ATP9B: variants seen among roughly 807,000 people sequenced by gnomAD.
The protein encoded by ATP9B is probable phospholipid-transporting ATPase IIB.
A neutral mutation model predicts 146.1 loss-of-function variants in ATP9B; 110 were observed. The observed-to-expected ratio is 0.75, with a 90% CI of 0.65 to 0.88. ATP9B has a LOEUF of 0.88. Ranked by LOEUF, ATP9B falls within the 40% of genes least tolerant of loss-of-function variation. The probability of loss-of-function intolerance (pLI) is 0.00; values close to 1 mark genes in which losing one functional copy is unlikely to be tolerated. For missense variants in ATP9B, 1,499 were observed against 1,496.4 expected, an observed-to-expected ratio of 1.00 and a Z score of -0.03; for synonymous variants, 604 against 569.7, an observed-to-expected ratio of 1.06 and a Z score of -0.86.
chr18:79,125,257 T>G (rs896683342), intron 4 of ATP9B, among the ~76,000 whole-genome samples: 1 of 152,098 alleles, frequency 6.6e-6, no homozygotes, highest in African/African-American at 2.4e-5. Context: ...GCACACAGTA[T>G]GGCTGAAGAG....
At chr18:79,115,677 T>G (rs2094060205) in intron 4 of ATP9B, 1 of 91,768 alleles carries the variant, frequency 1.1e-5, no homozygotes, top group Non-Finnish European at 2.1e-5. Context: ...GGGAAAGGAT[T>G]CCCTATTTAA....
At chr18:79,328,036 G>A (rs1020777873) in intron 15 of ATP9B, among the ~76,000 whole-genome samples, 4 of 148,054 alleles carry the variant, frequency 2.7e-5, no homozygotes, top group East Asian at 4.0e-4. Flanking sequence ...CGTGCTCTCC[G>A]TGGTTAGCGT....
At chr18:79,255,111 A>G (rs2145133897) in intron 12 of ATP9B, 1 of 152,340 alleles carries the variant, frequency 6.6e-6, no homozygotes, top group South Asian at 2.1e-4. Flanking sequence ...TGGACCCATT[A>G]CAAAGGCCCC....
intron 25 of ATP9B, chr18:79,352,983 C>T (rs1185470018): frequency 6.6e-6 from 1 of 152,198 alleles, no homozygotes; most frequent in Non-Finnish European, 1.5e-5. Flanking sequence ...AAGATTTGAA[C>T]ATTCATCACA....
In ATP9B at chr18:79,285,678, A is replaced by G. The variant is rs537979053; in HGVS notation, c.1411+8482A>G. On this transcript the variant is annotated intron_variant, in intron 13 of 29. Coordinates refer to ENST00000426216, the MANE Select transcript of ATP9B (RefSeq NM_198531.5). ...TGCCATTGCTTTTGGTGTTTTAGACATGAAGTCCTTGCCCACGCCTATGCC... is the reference window on the plus strand; with the variant it reads ...TGCCATTGCTTTTGGTGTTTTAGACGTGAAGTCCTTGCCCACGCCTATGCC... Among the ~76,000 whole-genome samples the G allele has an allele frequency of 9.2e-4, 140 of 152,322 alleles. 1 individual carries two copies. Among genetic ancestry groups the G allele is most frequent in the African/African-American group, 3.2e-3 (132 of 41,556 alleles).
intron 11 of ATP9B, among the ~76,000 whole-genome samples, chr18:79,222,846 G>A (rs953875082): frequency 7.2e-5 from 11 of 152,136 alleles, no homozygotes; most frequent in East Asian, 3.8e-4. Context: ...TAATGGACTC[G>A]TTTATAAAAG....
intron 1 of ATP9B, among the ~76,000 whole-genome samples, chr18:79,079,826 A>C (rs2073050580): frequency 1.3e-5 from 2 of 152,156 alleles, no homozygotes. Context: ...TTTTCGTATA[A>C]GTTGTAAGGA....
At chr18:79,187,141 C>T (rs2095315068) in intron 8 of ATP9B, among the ~76,000 whole-genome samples, 1 of 152,250 alleles carries the variant, frequency 6.6e-6, no homozygotes, top group Non-Finnish European at 1.5e-5. Context: ...CAGTCCTGAA[C>T]TTCATCCTTT....
intron 11 of ATP9B, among the ~76,000 whole-genome samples, chr18:79,229,859 G>T (rs2095773095): frequency 6.6e-6 from 1 of 152,040 alleles, no homozygotes. Flanking sequence ...TAAAGTATCT[G>T]TGTTACTTGT....
At chr18:79,074,294 C>T (rs2072335137) in intron 1 of ATP9B, among the ~76,000 whole-genome samples, 1 of 152,188 alleles carries the variant, frequency 6.6e-6, no homozygotes, top group Non-Finnish European at 1.5e-5. Context: ...TGGGCCCTGG[C>T]TGTGGCTGTA....
intron 25 of ATP9B, among the ~76,000 whole-genome samples, chr18:79,348,999 C>T (rs903518347): frequency 2.6e-5 from 4 of 152,214 alleles, no homozygotes; most frequent in Admixed American, 1.3e-4. Context: ...ACAAAGATAA[C>T]AGCAGCAGTG....
intron 19 of ATP9B, among the ~76,000 whole-genome samples, chr18:79,338,812 C>A (rs1295540185): frequency 6.6e-6 from 1 of 152,176 alleles, no homozygotes; most frequent in East Asian, 1.9e-4. Flanking sequence ...GCCTCAAGGA[C>A]CTGGGACTCA....
chr18:79,129,807 G>C (rs769336868), intron 5 of ATP9B, among the ~76,000 whole-genome samples: 1 of 151,596 alleles, frequency 6.6e-6, no homozygotes, highest in South Asian at 2.1e-4. Flanking sequence ...GCAATGGTGC[G>C]ATCTCAGCTC....
At chr18:79,252,812 T>A (rs1289422997) in intron 11 of ATP9B, among the ~76,000 whole-genome samples, 1 of 152,128 alleles carries the variant, frequency 6.6e-6, no homozygotes, top group Non-Finnish European at 1.5e-5. Flanking sequence ...TTTTTTTTTT[T>A]TTCTGTAAGA....
chr18:79,198,436 A>G (rs2095436579), intron 9 of ATP9B, among the ~76,000 whole-genome samples: 1 of 152,222 alleles, frequency 6.6e-6, no homozygotes, highest in Non-Finnish European at 1.5e-5. Context: ...AGCCCTAAAC[A>G]TTTATGCACT....
At chr18:79,092,640 C>CT (rs145337759) in intron 1 of ATP9B, among the ~76,000 whole-genome samples, 4,576 of 118,110 alleles carry the variant, frequency 0.039, 102 homozygotes, top group Non-Finnish European at 0.046. Context: ...TTTACTTAAA[C>CT]TTTTTTTTTT....
At chr18:79,096,249 C>T (rs1429560224) in intron 1 of ATP9B, among the ~76,000 whole-genome samples, 1 of 152,154 alleles carries the variant, frequency 6.6e-6, no homozygotes, top group African/African-American at 2.4e-5. Context: ...ATTATGCTCA[C>T]AGCACGGTTA....
intron 8 of ATP9B, among the ~76,000 whole-genome samples, chr18:79,189,133 G>A (rs1348661996): frequency 6.6e-6 from 1 of 152,042 alleles, no homozygotes; most frequent in African/African-American, 2.4e-5. Context: ...TGGATCACAA[G>A]GTCAGGAGTT....
At chr18:79,252,679 G>C (rs2096038756) in intron 11 of ATP9B, among the ~76,000 whole-genome samples, 1 of 152,152 alleles carries the variant, frequency 6.6e-6, no homozygotes, top group South Asian at 2.1e-4. Context: ...CTCACAGTTT[G>C]CTCAGCTGGT....
Sources: allele counts gnomAD v4.1 joint callset (sites outside exome capture counted in the v4.1 genomes callset), GRCh38; gene constraint gnomAD v4.1.1; transcripts MANE v1.5; gene names NCBI Gene and HGNC (gene_info 2026-07-23, HGNC 2026-07-21).